Variants in CFAP47 observed in about 807,000 individuals in gnomAD.
CFAP47 encodes the protein cilia- and flagella-associated protein 47.
In CFAP47, 29 loss-of-function variants were observed where a neutral mutation model predicts 148.1. The observed-to-expected ratio is 0.20, with a 90% CI of 0.15 to 0.27. The LOEUF (loss-of-function observed/expected upper bound fraction) is 0.27. CFAP47 is among the 10% of genes least tolerant of loss of function. The probability of loss-of-function intolerance (pLI) is 1.00; values close to 1 mark genes in which losing one functional copy is unlikely to be tolerated. For synonymous variants in CFAP47, 664 were observed against 577.3 expected, an observed-to-expected ratio of 1.15 and a Z score of -2.15; for missense variants, 1,872 against 1,697.5, an observed-to-expected ratio of 1.10 and a Z score of -1.81.
chrX:35,999,230 T>C (rs1054025585), intron 19 of CFAP47, among the ~76,000 whole-genome samples: 1 of 112,428 alleles, frequency 8.9e-6, no homozygotes. Context: ...TACAACTGCG[T>C]TGACATTTTA....
intron 26 of CFAP47, among the ~76,000 whole-genome samples, chrX:36,063,294 A>G (rs1432020635): frequency 9.0e-6 from 1 of 111,527 alleles, no homozygotes; most frequent in East Asian, 2.8e-4. Flanking sequence ...AAATTGCTCT[A>G]TTTCTCCAGA....
chrX:36,232,550 C>T (rs1940380971), intron 46 of CFAP47, among the ~76,000 whole-genome samples: 2 of 111,061 alleles, frequency 1.8e-5, no homozygotes, highest in South Asian at 3.8e-4. Context: ...TTTGTTGATC[C>T]TTTCAAAAAA....
intron 39 of CFAP47, among the ~76,000 whole-genome samples, chrX:36,166,138 A>G (rs1384475536): frequency 1.8e-5 from 2 of 111,559 alleles, no homozygotes; most frequent in Non-Finnish European, 3.8e-5. Context: ...AATTTCTGTG[A>G]CCTGATCCAG....
At chrX:36,230,029 G>C (rs1388986990) in intron 46 of CFAP47, among the ~76,000 whole-genome samples, 2 of 109,451 alleles carry the variant, frequency 1.8e-5, no homozygotes, top group Non-Finnish European at 3.8e-5. Context: ...ATTTGGGTTG[G>C]TTCCAAGTCT....
chrX:35,922,840 CA>C (rs1430144594), intron 1 of CFAP47, among the ~76,000 whole-genome samples: 18 of 112,081 alleles, frequency 1.6e-4, no homozygotes, highest in African/African-American at 5.8e-4. Flanking sequence ...GACTCTTGCC[CA>C]GGGAGGCTGG....
chrX:36,049,794 A>G (rs1474350966), intron 26 of CFAP47, among the ~76,000 whole-genome samples: 2 of 111,712 alleles, frequency 1.8e-5, no homozygotes, highest in Non-Finnish European at 3.8e-5. Context: ...TTAGTGTCTC[A>G]TACAGTTTGG....
At chrX:36,288,999 C>CTTTTTTTTTTTT (rs34230885) in intron 51 of CFAP47, among the ~76,000 whole-genome samples, 13 of 66,419 alleles carry the variant, frequency 2.0e-4, no homozygotes, top group East Asian at 4.9e-4. Context: ...TTCTTTCATC[C>CTTTTTTTTTTTT]TTTTTTTTTT....
chrX:35,986,030 G>A, intron 15 of CFAP47: 2 of 249,656 alleles, frequency 8.0e-6, no homozygotes, highest in Admixed American at 7.5e-5. Context: ...GTCTCAGGTA[G>A]TAAGTGCCGG....
chrX:35,968,892 C>G (rs918247010), intron 10 of CFAP47, among the ~76,000 whole-genome samples: 1 of 109,099 alleles, frequency 9.2e-6, no homozygotes, highest in African/African-American at 3.4e-5. Context: ...TTCACTCCCA[C>G]CCTGCAGAGG....
At chrX:36,078,459 G>A (rs1293641361) in intron 29 of CFAP47, among the ~76,000 whole-genome samples, 1 of 110,909 alleles carries the variant, frequency 9.0e-6, no homozygotes, top group African/African-American at 3.3e-5. Flanking sequence ...ATTATGTAAT[G>A]GCCTTCTTTG....
intron 62 of CFAP47, among the ~76,000 whole-genome samples, chrX:36,373,800 A>G (rs1234063287): frequency 3.6e-5 from 4 of 112,090 alleles, no homozygotes; most frequent in African/African-American, 1.3e-4. Flanking sequence ...AACTTTACCA[A>G]ATGCTTATTC....
At position 36,236,030 on chromosome X, in the gene CFAP47, G is replaced by A. The variant is rs1940460193; in HGVS notation, c.7111G>A (p.Val2371Met). ...VDLHVGPDEI[V>M]EYPLTFKPIF... ...TTTACATGTTGGACCAGATGAAATTGTGGAGTATCCTCTCACATTCAAACC... is the reference window on the plus strand; with the variant it reads ...TTTACATGTTGGACCAGATGAAATTATGGAGTATCCTCTCACATTCAAACC... The change falls in exon 47 of 64, where the codon GTG (valine) becomes ATG (methionine). Residue 2371 changes from valine to methionine, a missense_variant. Coordinates refer to ENST00000378653, the MANE Select transcript of CFAP47 (RefSeq NM_001304548.2). 3.9e-6 allele frequency: 2 copies of A among 515,581 alleles called. No homozygotes were observed. Among genetic ancestry groups the A allele is most frequent in the Non-Finnish European group, 7.1e-6 (2 of 283,150 alleles). The allele number at this position is 515,581 out of a possible 1,213,427, so 42.5% of individuals were successfully genotyped here.
intron 15 of CFAP47, among the ~76,000 whole-genome samples, chrX:35,987,722 T>C (rs764244123): frequency 9.0e-5 from 10 of 111,701 alleles, no homozygotes; most frequent in Non-Finnish European, 1.9e-4. Context: ...GCTTGAAACC[T>C]AGGGCTCTGG....
intron 39 of CFAP47, among the ~76,000 whole-genome samples, chrX:36,170,322 A>G (rs1260498731): frequency 7.2e-5 from 8 of 110,412 alleles, no homozygotes; most frequent in African/African-American, 2.6e-4. Flanking sequence ...TTATACTTTA[A>G]GTTTTAGGGT....
At chrX:36,164,756 T>C (rs187306780) in intron 39 of CFAP47, among the ~76,000 whole-genome samples, 1 of 111,782 alleles carries the variant, frequency 8.9e-6, no homozygotes, top group African/African-American at 3.2e-5. Context: ...CAAAGTTCTC[T>C]TGTGTCCCTT....
chrX:36,047,891 TA>T (rs756345450), intron 26 of CFAP47, among the ~76,000 whole-genome samples: 82 of 112,185 alleles, frequency 7.3e-4, no homozygotes, highest in African/African-American at 2.6e-3. Context: ...TGTGATAAAT[TA>T]GAGCTATTGG....
intron 35 of CFAP47, among the ~76,000 whole-genome samples, chrX:36,141,105 C>T (rs868599296): frequency 9.7e-6 from 1 of 103,423 alleles, no homozygotes; most frequent in Middle Eastern, 5.0e-3. Context: ...TCTAGAGACA[C>T]AGAAACAATA....
At chrX:35,924,248 C>CATGTATGTGT (rs761132383) in intron 1 of CFAP47, among the ~76,000 whole-genome samples, 5 of 84,628 alleles carry the variant, frequency 5.9e-5, no homozygotes, top group South Asian at 5.2e-4. Context: ...TGTATGTGTG[C>CATGTATGTGT]ATATGGACAT....
At chrX:36,232,043 A>G (rs1208234645) in intron 46 of CFAP47, among the ~76,000 whole-genome samples, 1 of 111,290 alleles carries the variant, frequency 9.0e-6, no homozygotes, top group African/African-American at 3.3e-5. Context: ...TTTTGCATCA[A>G]TGTTCATCAA....
Sources: gnomAD v4.1 joint callset for allele counts (sites outside exome capture counted in the v4.1 genomes callset) on GRCh38, gnomAD v4.1.1 for gene constraint, MANE v1.5 for transcripts, NCBI Gene and HGNC (gene_info 2026-07-23, HGNC 2026-07-21) for gene names.